FBXL20: variants seen among roughly 807,000 people sequenced by gnomAD.
FBXL20 encodes the protein F-box and leucine rich repeat protein 20.
In FBXL20, 11 loss-of-function variants were observed where a neutral mutation model predicts 64.0. The observed-to-expected ratio is 0.17, with a 90% CI of 0.11 to 0.28. The LOEUF is 0.28. Ranked by LOEUF, FBXL20 falls within the 10% of genes least tolerant of loss-of-function variation. FBXL20 has a pLI of 1.00. For missense variants in FBXL20, 303 were observed against 526.2 expected, an observed-to-expected ratio of 0.58 and a Z score of 4.15; for synonymous variants, 184 against 189.0, an observed-to-expected ratio of 0.97 and a Z score of 0.22.
At chr17:39,299,538 T>C (rs1212727649) in intron 4 of FBXL20, among the ~76,000 whole-genome samples, 2 of 152,122 alleles carry the variant, frequency 1.3e-5, no homozygotes, top group Admixed American at 6.5e-5. Flanking sequence ...TCCCAGCACT[T>C]TGGGAGGCCG....
chr17:39,342,873 C>T (rs2047596295), intron 2 of FBXL20, among the ~76,000 whole-genome samples: 1 of 152,044 alleles, frequency 6.6e-6, no homozygotes, highest in South Asian at 2.1e-4. Flanking sequence ...CAGAGCAAGA[C>T]CCTGTCTCAA....
intron 1 of FBXL20, among the ~76,000 whole-genome samples, chr17:39,376,875 T>G (rs954141689): frequency 6.6e-6 from 1 of 152,084 alleles, no homozygotes. Context: ...AAACCACCTT[T>G]GCAAAATTAT....
chr17:39,330,715 A>G (rs775133794), intron 2 of FBXL20, among the ~76,000 whole-genome samples: 21 of 152,212 alleles, frequency 1.4e-4, no homozygotes, highest in Non-Finnish European at 2.5e-4. Flanking sequence ...CTGAGAGACT[A>G]AAACATCCAA....
At chr17:39,306,349 C>T (rs764748687) in intron 2 of FBXL20, among the ~76,000 whole-genome samples, 1 of 151,914 alleles carries the variant, frequency 6.6e-6, no homozygotes, top group Non-Finnish European at 1.5e-5. Flanking sequence ...TGATGTAATC[C>T]ACTTTATCTA....
chr17:39,400,358 A>G (rs905876188), intron 1 of FBXL20, among the ~76,000 whole-genome samples: 3 of 152,138 alleles, frequency 2.0e-5, no homozygotes, highest in East Asian at 3.8e-4. Flanking sequence ...AGTTTCTTAA[A>G]CTTTTGTCTC....
At chr17:39,365,660 TTTTA>T (rs2047852540) in intron 1 of FBXL20, among the ~76,000 whole-genome samples, 1 of 152,218 alleles carries the variant, frequency 6.6e-6, no homozygotes, top group Non-Finnish European at 1.5e-5. Flanking sequence ...ATCTACACAC[TTTTA>T]TTTTTTTCTT....
At chr17:39,389,075 G>A (rs1273958028) in intron 1 of FBXL20, among the ~76,000 whole-genome samples, 2 of 125,460 alleles carry the variant, frequency 1.6e-5, no homozygotes, top group African/African-American at 6.3e-5. Context: ...TTGCACTCCA[G>A]CCTGGGCAAC....
intron 1 of FBXL20, among the ~76,000 whole-genome samples, chr17:39,378,312 A>C (rs1033333868): frequency 3.3e-4 from 50 of 152,308 alleles, no homozygotes; most frequent in Middle Eastern, 3.4e-3. Flanking sequence ...CAACTAACCC[A>C]ATTAAAAAAT....
At chr17:39,293,233 T>C (rs1229955607) in intron 6 of FBXL20, among the ~76,000 whole-genome samples, 1 of 151,798 alleles carries the variant, frequency 6.6e-6, no homozygotes, top group Non-Finnish European at 1.5e-5. Flanking sequence ...CACTTTTTTT[T>C]TTTTTTGAGA....
intron 1 of FBXL20, among the ~76,000 whole-genome samples, chr17:39,380,941 C>T (rs558288399): frequency 2.0e-5 from 3 of 152,104 alleles, no homozygotes; most frequent in African/African-American, 7.2e-5. Flanking sequence ...CGGTGGATTG[C>T]CTAAGGTCAG....
Position 39,401,349 on chromosome 17 carries a change from C to G in FBXL20, c.42+12G>C, listed in dbSNP as rs751513935. The G allele has an allele frequency of 2.5e-6, 4 of 1,612,950 alleles. No homozygotes were observed. The highest frequency in any genetic ancestry group is 2.2e-5 in the South Asian group (2 of 91,044). On this transcript the variant is annotated intron_variant, in intron 1 of 14. Transcript: ENST00000264658. ...GCCCTCCTCACGCCGCCCGAGCCCC[C>G]CAAGCTCACACCTCAAACCTGCTCT...
chr17:39,328,008 G>A (rs1212079604), intron 2 of FBXL20, among the ~76,000 whole-genome samples: 3 of 152,130 alleles, frequency 2.0e-5, no homozygotes, highest in Non-Finnish European at 4.4e-5. Context: ...AGCACTTTGG[G>A]AGGCCAAGGC....
Position 39,254,551 on chromosome 17 carries a change from G to C in FBXL20, c.*6909C>G. The stretch of plus-strand genomic sequence containing the variant: ...GCCCAGATGCAGCTGGGGTGCACTT[G>C]TGGTTCTTTCGGTGGTGCCAAAACC... On this transcript the variant is annotated 3_prime_UTR_variant, in exon 15 of 15. Transcript: ENST00000264658. 1 of 154,500 alleles carries C rather than the reference G, an allele frequency of 6.5e-6. No individual in the cohort carries two copies. The highest frequency in any genetic ancestry group is 1.9e-4 in the East Asian group (1 of 5,336). The allele number at this position is 154,500 out of a possible 1,614,324, so 9.6% of individuals were successfully genotyped here. A position where few individuals can be genotyped will look rare whatever the true frequency, so the allele number is the denominator to read the frequency against.
chr17:39,317,868 T>C (rs968492294), intron 2 of FBXL20, among the ~76,000 whole-genome samples: 2 of 151,594 alleles, frequency 1.3e-5, no homozygotes, highest in Non-Finnish European at 2.9e-5. Context: ...CGCCCAGCTA[T>C]TTTTTTGTAT....
intron 2 of FBXL20, among the ~76,000 whole-genome samples, chr17:39,326,882 CTTT>C (rs904426291): frequency 9.9e-5 from 13 of 131,152 alleles, no homozygotes; most frequent in African/African-American, 2.5e-4. Flanking sequence ...CCTGTCTTGG[CTTT>C]TTTTTTTTTT....
chr17:39,371,030 C>A (rs1271671838), intron 1 of FBXL20, among the ~76,000 whole-genome samples: 1 of 151,838 alleles, frequency 6.6e-6, no homozygotes, highest in Non-Finnish European at 1.5e-5. Flanking sequence ...ACCAGCCTGA[C>A]CACCATGGAG....
At chr17:39,268,634 C>CATATATTT (rs1189287048) in intron 12 of FBXL20, among the ~76,000 whole-genome samples, 193 bp downstream of exon 12, 1 of 152,134 alleles carries the variant, frequency 6.6e-6, no homozygotes, top group East Asian at 1.9e-4. Flanking sequence ...TGATTGATGG[C>CATATATTT]ATATATTTCC....
chr17:39,268,748 G>A (rs2046813877), intron 12 of FBXL20, 79 bp downstream of exon 12: 2 of 1,236,318 alleles, frequency 1.6e-6, no homozygotes, highest in African/African-American at 1.5e-5. Flanking sequence ...CACTAGGGTA[G>A]GGAATTGCAC....
rs2046722009 is a variant in FBXL20, at chr17:39,259,123, ACTTTATT to A, written c.*2330_*2336del. On this transcript the variant is annotated 3_prime_UTR_variant, in exon 15 of 15. Transcript: ENST00000264658. ...CTAAATCAATGGATAAATAAATCAG[ACTTTATT>A]CTTATATATGCTGGTATAATCAGCA... The A allele has an allele frequency of 6.6e-6, 1 of 152,124 alleles. No homozygotes were observed. Among genetic ancestry groups the A allele is most frequent in the Admixed American group, 6.6e-5 (1 of 15,262 alleles). The allele number at this position is 152,124 out of a possible 1,614,324, so 9.4% of individuals were successfully genotyped here.
Sources: allele counts gnomAD v4.1 joint callset (sites outside exome capture counted in the v4.1 genomes callset), GRCh38; gene constraint gnomAD v4.1.1; transcripts MANE v1.5; gene names NCBI Gene and HGNC (gene_info 2026-07-23, HGNC 2026-07-21).